The following PLCB1 variants were observed in gnomAD, a reference collection of about 807,000 sequenced individuals.
PLCB1 encodes 1-phosphatidylinositol 4,5-bisphosphate phosphodiesterase beta-1.
PLCB1 carries 46 observed loss-of-function variants against 161.8 expected under a neutral mutation model. The observed-to-expected ratio is 0.28, with a 90% CI of 0.22 to 0.36. The LOEUF (loss-of-function observed/expected upper bound fraction) is 0.36. Ranked by LOEUF, PLCB1 falls within the 10% of genes least tolerant of loss-of-function variation. PLCB1 has a pLI of 1.00. For missense variants in PLCB1, 1,016 were observed against 1,472.5 expected (o/e 0.69, Z 5.07); for synonymous variants, 517 against 503.7 (o/e 1.03, Z -0.35).
At chr20:8,748,533 C>A (rs1039254826) in intron 23 of PLCB1, among the ~76,000 whole-genome samples, 7 of 152,112 alleles carry the variant, frequency 4.6e-5, no homozygotes, top group Non-Finnish European at 8.8e-5. Context: ...GGTTCATCTG[C>A]CTAAAATAGG....
intron 7 of PLCB1, among the ~76,000 whole-genome samples, chr20:8,650,922 A>G (rs1331548551): frequency 6.6e-6 from 1 of 152,198 alleles, no homozygotes; most frequent in Non-Finnish European, 1.5e-5. Flanking sequence ...AGGTGAGAGG[A>G]CAAGCATGTA....
At chr20:8,369,488 C>T (rs1027015272) in intron 2 of PLCB1, among the ~76,000 whole-genome samples, 5 of 152,138 alleles carry the variant, frequency 3.3e-5, no homozygotes, top group Non-Finnish European at 5.9e-5. Flanking sequence ...GTTTTTCCAC[C>T]GTTTCTTCAC....
rs1982259900 is a variant in PLCB1 at position 8,271,149 on chromosome 20, A to G, written c.178-100233A>G. ...TACAATGTTTCACTGACAGTGGTAG[A>G]CATCATTCCCTTAGATGCTTTTGGT... On this transcript the variant is annotated intron_variant, in intron 2 of 31. Coordinates refer to ENST00000338037, the MANE Select transcript of PLCB1 (RefSeq NM_015192.4). Among the ~76,000 whole-genome samples, 3 of 152,274 alleles carry G rather than the reference A, an allele frequency of 2.0e-5. No homozygotes were observed. The South Asian group carries it at 6.2e-4, about 32-fold the overall frequency.
chr20:8,739,274 C>T lies in PLCB1; in HGVS notation c.2222C>T (p.Thr741Ile). 6.2e-7 allele frequency: 1 copy of T among 1,611,170 alleles called. No homozygotes were observed. Among genetic ancestry groups the T allele is most frequent in the Non-Finnish European group, 8.5e-7 (1 of 1,177,272 alleles). The change falls in exon 21 of 32, where the codon ACT becomes ATT. Residue 741 changes from threonine to isoleucine, a missense_variant. Thr to Ile is a moderately conservative substitution (Grantham distance 89, BLOSUM62 -1). This residue lies in a region of PLCB1 where 75 missense variants were observed against 117.0 expected (regional missense o/e 0.64). Transcript: ENST00000338037. Reference sequence around the variant, plus strand: ...TGTCCTTTGTAGGTGGTTCTTCCTACTCTGGCCTGTTTGAGAATAGCAGTT... The same window carrying T: ...TGTCCTTTGTAGGTGGTTCTTCCTATTCTGGCCTGTTTGAGAATAGCAGTT... ...PIVFKKVVLP[T>I]LACLRIAVYE...
chr20:8,431,332 C>A (rs567800160), intron 3 of PLCB1, among the ~76,000 whole-genome samples: 1 of 152,180 alleles, frequency 6.6e-6, no homozygotes, highest in Non-Finnish European at 1.5e-5. Flanking sequence ...AGCCAAGTTA[C>A]ACTGTAAGGC....
intron 4 of PLCB1, among the ~76,000 whole-genome samples, chr20:8,644,382 G>A (rs1989075353): frequency 6.9e-6 from 1 of 145,372 alleles, no homozygotes; most frequent in Non-Finnish European, 1.5e-5. Flanking sequence ...TCCCATCTAG[G>A]AAGTGAGGAG....
chr20:8,714,546 T>G (rs2123462461), intron 12 of PLCB1, among the ~76,000 whole-genome samples: 1 of 152,292 alleles, frequency 6.6e-6, no homozygotes, highest in South Asian at 2.1e-4. Flanking sequence ...TTCTAATGAC[T>G]TGTCCTTCAG....
chr20:8,704,723 A>T (rs1183894874), intron 11 of PLCB1, among the ~76,000 whole-genome samples: 1 of 152,134 alleles, frequency 6.6e-6, no homozygotes, highest in Non-Finnish European at 1.5e-5. Flanking sequence ...ATTAGTCTGG[A>T]CTGTCTCTAT....
In PLCB1 at chr20:8,595,822, G is replaced by A. The variant is rs1987325589; in HGVS notation, c.247-32472G>A. ...CTGGTGTGAGATGGTATCTCATTGT[G>A]GTTTTGATTTGCATTTCTCTGATGG... On this transcript the variant is annotated intron_variant, in intron 3 of 31. Transcript: ENST00000338037. Among the ~76,000 whole-genome samples, 4 of 134,590 alleles carry A rather than the reference G, an allele frequency of 3.0e-5. No homozygotes were observed. In the South Asian group the frequency reaches 1.1e-3, roughly 36 times the overall value. 88.3% of individuals were successfully genotyped at this position (134,590 alleles called of 152,430 possible). A position where few individuals can be genotyped will look rare whatever the true frequency, so the allele number is the denominator to read the frequency against.
chr20:8,475,348 G>A (rs530012108), intron 3 of PLCB1, among the ~76,000 whole-genome samples: 1 of 152,262 alleles, frequency 6.6e-6, no homozygotes, highest in South Asian at 2.1e-4. Context: ...CTACTCAGGA[G>A]GTTGAGGTGG....
chr20:8,877,258 G>A (rs1303900160), intron 31 of PLCB1, among the ~76,000 whole-genome samples: 3 of 152,166 alleles, frequency 2.0e-5, no homozygotes, highest in Non-Finnish European at 4.4e-5. Context: ...TTATGGGGAA[G>A]GAAAATTAGG....
At chr20:8,396,566 G>T (rs1279556873) in intron 3 of PLCB1, among the ~76,000 whole-genome samples, 2 of 152,010 alleles carry the variant, frequency 1.3e-5, no homozygotes, top group Non-Finnish European at 2.9e-5. Context: ...ATGGGAAGTT[G>T]CTCAGTCCAG....
At chr20:8,364,805 A>G (rs1986657902) in intron 2 of PLCB1, among the ~76,000 whole-genome samples, 1 of 152,194 alleles carries the variant, frequency 6.6e-6, no homozygotes, top group South Asian at 2.1e-4. Context: ...TGCTTGTCCC[A>G]TTTCAAAGGT....
chr20:8,729,203 A>C (rs371410880), intron 18 of PLCB1, 29 bp downstream of exon 18: 2 of 1,554,722 alleles, frequency 1.3e-6, no homozygotes, highest in South Asian at 1.3e-5. Context: ...CCATTCTGCT[A>C]TGAACTCACA....
At chr20:8,838,562 T>C (rs11697066) in intron 31 of PLCB1, among the ~76,000 whole-genome samples, 48,597 of 151,990 alleles carry the variant, frequency 0.32, 8,727 homozygotes, top group East Asian at 0.63. Flanking sequence ...ATATTGGTTC[T>C]TGTGACCTGT....
intron 31 of PLCB1, among the ~76,000 whole-genome samples, chr20:8,801,482 CG>C (rs1427920939): frequency 6.6e-6 from 1 of 152,142 alleles, no homozygotes; most frequent in East Asian, 1.9e-4. Flanking sequence ...AGCTCCACAA[CG>C]GGAAGAGGCT....
intron 2 of PLCB1, among the ~76,000 whole-genome samples, chr20:8,212,244 A>G (rs1978863528): frequency 6.6e-6 from 1 of 152,028 alleles, no homozygotes; most frequent in African/African-American, 2.4e-5. Flanking sequence ...GTTTTGCTTT[A>G]TTTTCAAGCA....
At chr20:8,619,111 C>T (rs1047439892) in intron 3 of PLCB1, among the ~76,000 whole-genome samples, 2 of 152,148 alleles carry the variant, frequency 1.3e-5, no homozygotes, top group African/African-American at 4.8e-5. Context: ...TTTTCTCGCT[C>T]CTTTTAACTC....
At chr20:8,607,455 T>G (rs1987789265) in intron 3 of PLCB1, among the ~76,000 whole-genome samples, 1 of 152,172 alleles carries the variant, frequency 6.6e-6, no homozygotes, top group Non-Finnish European at 1.5e-5. Flanking sequence ...CCCAACCACC[T>G]CATCACAGAT....
Sources: gnomAD v4.1 joint callset for allele counts (sites outside exome capture counted in the v4.1 genomes callset) on GRCh38, gnomAD v4.1.1 for gene constraint, gnomAD v4.1.1 regional missense constraint, MANE v1.5 for transcripts, NCBI Gene and HGNC (gene_info 2026-07-23, HGNC 2026-07-21) for gene names.